Variants in RNF220 observed in about 807,000 individuals in gnomAD.
RNF220 encodes E3 ubiquitin-protein ligase RNF220.
In RNF220, 7 loss-of-function variants were observed where a neutral mutation model predicts 67.1. The observed-to-expected ratio is 0.10, with a 90% CI of 0.06 to 0.20. The LOEUF is 0.20. Among genes scored for constraint, RNF220 ranks in the 10% least tolerant of loss-of-function variants. RNF220 has a pLI of 1.00. For synonymous variants in RNF220, 270 were observed against 283.2 expected (o/e 0.95, Z 0.47); for missense variants, 565 against 740.3 (o/e 0.76, Z 2.75).
At chr1:44,483,089 C>T (rs911816955) in intron 2 of RNF220, among the ~76,000 whole-genome samples, 2 of 151,960 alleles carry the variant, frequency 1.3e-5, no homozygotes, top group Non-Finnish European at 2.9e-5. Flanking sequence ...CACCATCGCG[C>T]CTGGCTACTT....
chr1:44,489,661 A>T (rs1352185445), intron 2 of RNF220, among the ~76,000 whole-genome samples: 1 of 152,210 alleles, frequency 6.6e-6, no homozygotes, highest in Non-Finnish European at 1.5e-5. Flanking sequence ...AATCTCAGGG[A>T]AAGTCCTGGT....
chr1:44,563,270 T>G (rs914211318), intron 2 of RNF220, among the ~76,000 whole-genome samples: 3 of 151,778 alleles, frequency 2.0e-5, no homozygotes, highest in Non-Finnish European at 4.4e-5. Flanking sequence ...GAGCTGAGCC[T>G]CCTCTAACTG....
In RNF220 at chr1:44,540,741, G is replaced by A. The variant is rs1443432892; in HGVS notation, c.626-73424G>A. Reference sequence around the variant, plus strand: ...AATGCATTTTAATGCCTGCTATTCAGGCCAGACAAGAAATGTGTAGATGCC... The same window carrying A: ...AATGCATTTTAATGCCTGCTATTCAAGCCAGACAAGAAATGTGTAGATGCC... On this transcript the variant is annotated intron_variant, in intron 2 of 14. Transcript: ENST00000361799. 2.0e-5 allele frequency among the ~76,000 whole-genome samples: 3 copies of A among 151,960 alleles called. No homozygotes were observed. In the East Asian group the frequency reaches 5.8e-4, roughly 29 times the overall value.
chr1:44,588,312 C>T (rs947725287), intron 2 of RNF220, among the ~76,000 whole-genome samples: 3 of 152,208 alleles, frequency 2.0e-5, no homozygotes, highest in Non-Finnish European at 2.9e-5. Context: ...GGCTGCCAAG[C>T]GGCAGACCTG....
At chr1:44,499,193 G>A (rs1256210843) in intron 2 of RNF220, among the ~76,000 whole-genome samples, 1 of 152,106 alleles carries the variant, frequency 6.6e-6, no homozygotes, top group Non-Finnish European at 1.5e-5. Flanking sequence ...CACCATCAGA[G>A]CTTCCCTTTC....
At chr1:44,442,392 C>T (rs1344903881) in intron 2 of RNF220, among the ~76,000 whole-genome samples, 2 of 152,108 alleles carry the variant, frequency 1.3e-5, no homozygotes, top group Non-Finnish European at 2.9e-5. Context: ...ATCCACTCTC[C>T]TCAGCCTCCT....
At chr1:44,569,884 T>A (rs928487284) in intron 2 of RNF220, among the ~76,000 whole-genome samples, 2 of 152,302 alleles carry the variant, frequency 1.3e-5, no homozygotes, top group Non-Finnish European at 2.9e-5. Flanking sequence ...CAGCAGGAGT[T>A]CATAGTCTGA....
intron 3 of RNF220, among the ~76,000 whole-genome samples, chr1:44,619,642 C>T (rs1032992282): frequency 1.3e-5 from 2 of 152,174 alleles, no homozygotes; most frequent in African/African-American, 2.4e-5. Context: ...TAATTTAAAA[C>T]CCATGGATCA....
chr1:44,551,798 C>T lies in RNF220; in HGVS notation c.626-62367C>T, dbSNP rs564174076. Among the ~76,000 whole-genome samples, 142 of 152,350 alleles carry T rather than the reference C, an allele frequency of 9.3e-4. 1 individual carries two copies. The highest frequency in any genetic ancestry group is 3.2e-3 in the African/African-American group (131 of 41,566). On this transcript the variant is annotated intron_variant, in intron 2 of 14. Transcript: ENST00000361799. ...CCTAAGACTGAGATTTTACCACGCA[C>T]TTCTTCACTCAGAATCCTTCAGCTC...
At chr1:44,481,741 G>C (rs1655832554) in intron 2 of RNF220, among the ~76,000 whole-genome samples, 1 of 152,344 alleles carries the variant, frequency 6.6e-6, no homozygotes, top group Non-Finnish European at 1.5e-5. Flanking sequence ...GTGGAATCAA[G>C]AGAGAGAACT....
chr1:44,455,791 T>C (rs1653117269), intron 2 of RNF220, among the ~76,000 whole-genome samples: 2 of 152,138 alleles, frequency 1.3e-5, no homozygotes, highest in African/African-American at 4.8e-5. Context: ...ACACAGATTG[T>C]TTTGGAATAA....
At chr1:44,644,548 C>T in intron 8 of RNF220, 150 bp from the exon 9 acceptor site, 1 of 609,048 alleles carries the variant, frequency 1.6e-6, no homozygotes, top group Non-Finnish European at 2.9e-6. Flanking sequence ...GGGTCAGGGG[C>T]ACTGAAGTAT....
At chr1:44,577,040 G>C (rs1362424699) in intron 2 of RNF220, among the ~76,000 whole-genome samples, 1 of 152,194 alleles carries the variant, frequency 6.6e-6, no homozygotes, top group East Asian at 1.9e-4. Context: ...CCAAGGTCTT[G>C]TTAGAACACA....
Position 44,650,031 on chromosome 1 carries a change from C to T in RNF220, c.1629+74C>T, listed in dbSNP as rs1450759980. 5.4e-6 allele frequency: 8 copies of T among 1,485,262 alleles called. No homozygotes were observed. The highest frequency in any genetic ancestry group is 1.2e-5 in the South Asian group (1 of 85,986). The allele number at this position is 1,485,262 out of a possible 1,614,324, so 92.0% of individuals were successfully genotyped here. ...CCAGATGTCTGTGCTTATGCCTGAG[C>T]CTGCCTGGGGGAAGTGGGGAGCATG... On this transcript the variant is annotated intron_variant, in intron 14 of 14. Coordinates refer to ENST00000361799, the MANE Select transcript of RNF220 (RefSeq NM_018150.4). The surrounding 1 kb of genome is among the most constrained non-coding windows in gnomAD (Gnocchi z 4.3).
At chr1:44,498,190 C>T (rs1011169519) in intron 2 of RNF220, among the ~76,000 whole-genome samples, 4 of 152,196 alleles carry the variant, frequency 2.6e-5, no homozygotes, top group African/African-American at 9.7e-5. Flanking sequence ...CCAATCTACA[C>T]TTTTTTCTGG....
At chr1:44,577,621 A>C (rs983293406) in intron 2 of RNF220, among the ~76,000 whole-genome samples, 5 of 152,260 alleles carry the variant, frequency 3.3e-5, no homozygotes, top group African/African-American at 4.8e-5. Flanking sequence ...ACAGACAATG[A>C]AAAGATACAA....
intron 2 of RNF220, among the ~76,000 whole-genome samples, chr1:44,588,655 T>A (rs1572966920): frequency 6.6e-6 from 1 of 152,174 alleles, no homozygotes; most frequent in East Asian, 1.9e-4. Context: ...GCTGGGCCCA[T>A]TAAGAGCACA....
chr1:44,587,138 C>T (rs1665757199), intron 2 of RNF220, among the ~76,000 whole-genome samples: 1 of 144,404 alleles, frequency 6.9e-6, no homozygotes, highest in African/African-American at 2.6e-5. Flanking sequence ...TTCTTCTCTT[C>T]TTCTTCCTTT....
At chr1:44,457,962 A>C (rs907179354) in intron 2 of RNF220, among the ~76,000 whole-genome samples, 1 of 152,106 alleles carries the variant, frequency 6.6e-6, no homozygotes, top group Non-Finnish European at 1.5e-5. Context: ...GCTTCTTTAC[A>C]ATAGAACAAG....
Sources: allele counts gnomAD v4.1 joint callset (sites outside exome capture counted in the v4.1 genomes callset), GRCh38; gene constraint gnomAD v4.1.1; non-coding constraint Gnocchi (gnomAD v3.1); transcripts MANE v1.5; gene names NCBI Gene and HGNC (gene_info 2026-07-23, HGNC 2026-07-21).